PTPN22: variants seen among roughly 807,000 people sequenced by gnomAD.
PTPN22 encodes tyrosine-protein phosphatase non-receptor type 22.
Under a neutral mutation model 103.3 loss-of-function variants are expected in PTPN22, and 85 were observed. That is an observed-to-expected ratio of 0.82 (90% CI 0.69 to 0.99). The LOEUF is 0.99. PTPN22 is among the 50% of genes least tolerant of loss of function. The pLI is 0.00. For missense variants in PTPN22, 865 were observed against 936.9 expected (o/e 0.92, Z 1.00); for synonymous variants, 323 against 310.2 (o/e 1.04, Z -0.43).
At chr1:113,836,530 A>T (rs999349342) in intron 13 of PTPN22, among the ~76,000 whole-genome samples, 1 of 152,240 alleles carries the variant, frequency 6.6e-6, no homozygotes, top group Non-Finnish European at 1.5e-5. Flanking sequence ...TTTTAGCAAT[A>T]TGTTCAACTC....
rs781571527 is a variant in PTPN22 at position 113,837,764 on chromosome 1, T to A, written c.1636A>T (p.Ser546Cys). 29 of 1,613,848 alleles carry A rather than the reference T, an allele frequency of 1.8e-5. No individual in the cohort carries two copies. The highest frequency in any genetic ancestry group is 1.5e-4 in the Admixed American group (9 of 60,006). ...GGTAAATCAAGAGACATCTTAGAAC[T>A]GGTACCACTTGGAGGCCATGATGAA... Residue 546 changes from serine to cysteine, a missense_variant, in exon 13 of 21, where the codon AGT becomes TGT. Transcript: ENST00000359785.
intron 11 of PTPN22, among the ~76,000 whole-genome samples, chr1:113,842,550 T>A (rs1315608513): frequency 1.3e-5 from 2 of 152,122 alleles, no homozygotes; most frequent in Non-Finnish European, 2.9e-5. Flanking sequence ...GGCATGTGCC[T>A]GTAATCCCAG....
intron 18 of PTPN22, among the ~76,000 whole-genome samples, chr1:113,827,981 T>C (rs1324383542): frequency 6.6e-6 from 1 of 152,226 alleles, no homozygotes; most frequent in African/African-American, 2.4e-5. Flanking sequence ...TGGTTTTAAT[T>C]TGTAATTTTT....
At chr1:113,862,956 C>T (rs549859943) in intron 1 of PTPN22, among the ~76,000 whole-genome samples, 1 of 152,244 alleles carries the variant, frequency 6.6e-6, no homozygotes, top group South Asian at 2.1e-4. Flanking sequence ...ACAAACTTAT[C>T]GAGGTTAGTT....
intron 7 of PTPN22, among the ~76,000 whole-genome samples, chr1:113,855,808 A>G (rs538715575): frequency 1.3e-5 from 2 of 152,322 alleles, no homozygotes; most frequent in South Asian, 4.1e-4. Flanking sequence ...CCCAACTGGT[A>G]TGCCTCCAAT....
intron 19 of PTPN22, chr1:113,823,486 G>A (rs1468018869): frequency 6.6e-6 from 1 of 152,206 alleles, no homozygotes; most frequent in Non-Finnish European, 1.5e-5. Flanking sequence ...AACGGCAAAA[G>A]ACCAGAGGAT....
intron 18 of PTPN22, among the ~76,000 whole-genome samples, chr1:113,826,427 AG>A (rs2101903985): frequency 6.6e-6 from 1 of 150,718 alleles, no homozygotes; most frequent in African/African-American, 2.4e-5. Flanking sequence ...AGGGAAGGGA[AG>A]GGAAGGGAAG....
chr1:113,838,779 G>A (rs956027860), intron 11 of PTPN22, among the ~76,000 whole-genome samples, 159 bp from the exon 12 acceptor site: 1 of 152,136 alleles, frequency 6.6e-6, no homozygotes, highest in African/African-American at 2.4e-5. Context: ...AACTCAGCAA[G>A]AACTCGTTCA....
At chr1:113,820,260 C>T (rs1438380324) in intron 19 of PTPN22, among the ~76,000 whole-genome samples, 3 of 152,014 alleles carry the variant, frequency 2.0e-5, no homozygotes, top group African/African-American at 7.3e-5. Flanking sequence ...ACGAGACCAG[C>T]CTGTCCAACA....
rs781638324 is a variant in PTPN22, at chr1:113,833,126, G to A, written c.2038C>T (p.Arg680Ter). 1.6e-5 allele frequency: 25 copies of A among 1,564,378 alleles called. No individual in the cohort carries two copies. The highest frequency in any genetic ancestry group is 1.0e-4 in the Admixed American group (6 of 58,206). The change falls in exon 16 of 21, where the codon CGA becomes TGA. Residue 680 changes from arginine to a stop codon, truncating the protein, a stop_gained. Coordinates refer to ENST00000359785, the Ensembl canonical transcript of PTPN22. LOFTEE classifies it high-confidence loss of function. ...AAATTTTTACCTGATTTAGGACTTC[G>A]GAGTTTTACACTCTAAAAGAAAAAA...
intron 4 of PTPN22, 58 bp downstream of exon 4, chr1:113,858,420 A>G: frequency 7.7e-7 from 1 of 1,304,370 alleles, no homozygotes. Flanking sequence ...CCAATTTTTT[A>G]AAAGCACTGT....
intron 5 of PTPN22, chr1:113,856,927 A>G: frequency 3.6e-6 from 1 of 279,722 alleles, no homozygotes; most frequent in South Asian, 5.5e-5. Context: ...GCTAAGTGAA[A>G]TACCTAGTTC....
At chr1:113,864,050 G>T in intron 1 of PTPN22, 1 of 279,848 alleles carries the variant, frequency 3.6e-6, no homozygotes, top group Non-Finnish European at 7.0e-6. Flanking sequence ...AGAGTCACTT[G>T]CGGTGAGCCA....
intron 10 of PTPN22, among the ~76,000 whole-genome samples, chr1:113,850,227 A>G (rs574845551): frequency 4.2e-5 from 6 of 142,724 alleles, no homozygotes; most frequent in Middle Eastern, 3.5e-3. Context: ...GAAGGAAGGA[A>G]GGAAGGAAGG....
chr1:113,846,946 C>T (rs1664109607), intron 11 of PTPN22, among the ~76,000 whole-genome samples: 2 of 145,634 alleles, frequency 1.4e-5, no homozygotes, highest in African/African-American at 2.6e-5. Flanking sequence ...CTTTTTCAGC[C>T]CTGCCCTTTC....
chr1:113,870,880 T>A (rs777129797), intron 1 of PTPN22, among the ~76,000 whole-genome samples: 11 of 152,028 alleles, frequency 7.2e-5, no homozygotes, highest in Non-Finnish European at 1.2e-4. Context: ...AATTTTTTTT[T>A]AAATTAGCCA....
chr1:113,868,419 G>A (rs953640846), intron 1 of PTPN22, among the ~76,000 whole-genome samples: 14 of 152,190 alleles, frequency 9.2e-5, no homozygotes, highest in Non-Finnish European at 2.1e-4. Flanking sequence ...ATGGGACACA[G>A]AACATGACCA....
intron 19 of PTPN22, 84 bp from the exon 20 acceptor site, chr1:113,819,738 A>C (rs2101873322): frequency 1.2e-6 from 1 of 825,276 alleles, no homozygotes; most frequent in Non-Finnish European, 1.8e-6. Flanking sequence ...AATTGTTAAG[A>C]GTAATTAATA....
chr1:113,838,290 G>C, exon 13 of PTPN22: 2 of 1,613,768 alleles, frequency 1.2e-6, no homozygotes, highest in Non-Finnish European at 1.7e-6. Context: ...ATTTAGCAGG[G>C]TGCAAAACTA....
Sources: gnomAD v4.1 joint callset for allele counts (sites outside exome capture counted in the v4.1 genomes callset) on GRCh38, gnomAD v4.1.1 for gene constraint, MANE v1.5 for transcripts, NCBI Gene and HGNC (gene_info 2026-07-23, HGNC 2026-07-21) for gene names.